Variants in TBCK observed in about 807,000 individuals in gnomAD.
TBCK encodes TBC1 domain containing kinase, also known as TBC domain-containing protein kinase-like protein.
Under a neutral mutation model 113.4 loss-of-function variants are expected in TBCK, and 99 were observed. The observed-to-expected ratio is 0.87, with a 90% confidence interval of 0.74 to 1.03. The LOEUF is 1.03. Among genes scored for constraint, TBCK ranks in the 50% least tolerant of loss-of-function variants. TBCK has a pLI of 0.00. For missense variants in TBCK, 1,045 were observed against 1,061.3 expected (o/e 0.98, Z 0.21); for synonymous variants, 369 against 370.8 (o/e 1.00, Z 0.05).
chr4:106,276,499 C>T (rs78857934), intron 3 of TBCK, among the ~76,000 whole-genome samples: 2,560 of 152,218 alleles, frequency 0.017, 32 homozygotes, highest in Middle Eastern at 0.088. Context: ...ACTGCCTGAA[C>T]CCAGAAGTTC....
chr4:106,114,694 A>G lies in TBCK; in HGVS notation c.2411+1509T>C, dbSNP rs986097742. ...ACAGACAACCTACAGAATGGAAGAAATATCTTTAAGATTAAAATAGGGTGT... is the reference window on the plus strand; with the variant it reads ...ACAGACAACCTACAGAATGGAAGAAGTATCTTTAAGATTAAAATAGGGTGT... On this transcript the variant is annotated intron_variant, in intron 24 of 25. Transcript: ENST00000394708. Among the ~76,000 whole-genome samples the G allele has an allele frequency of 7.9e-5, 12 of 152,318 alleles. No homozygotes were observed. The East Asian group carries it at 2.3e-3, about 29-fold the overall frequency.
chr4:106,316,647 A>G, upstream of TBCK: 1 of 1,531,560 alleles, frequency 6.5e-7, no homozygotes, highest in Non-Finnish European at 8.8e-7. Context: ...TTGCGATCGT[A>G]GGGGTCTTCC....
At chr4:106,306,236 A>ATTTTTTTT (rs60417567) in intron 2 of TBCK, among the ~76,000 whole-genome samples, 1 of 97,326 alleles carries the variant, frequency 1.0e-5, no homozygotes, top group Non-Finnish European at 2.0e-5. Flanking sequence ...TGCCTGGCTA[A>ATTTTTTTT]TTTTTTTTTT....
At chr4:106,161,262 C>T (rs1749758894) in intron 23 of TBCK, among the ~76,000 whole-genome samples, 2 of 152,050 alleles carry the variant, frequency 1.3e-5, no homozygotes, top group Admixed American at 6.6e-5. Flanking sequence ...CAAATAAATG[C>T]ATATATATTT....
chr4:106,244,944 T>G (rs1760603616), intron 10 of TBCK, among the ~76,000 whole-genome samples, 180 bp from the exon 11 acceptor site: 1 of 152,074 alleles, frequency 6.6e-6, no homozygotes, highest in African/African-American at 2.4e-5. Flanking sequence ...AATAAAAAGT[T>G]GAACAGACTG....
chr4:106,076,251 C>T (rs1738177922), intron 25 of TBCK, among the ~76,000 whole-genome samples: 1 of 152,102 alleles, frequency 6.6e-6, no homozygotes, highest in East Asian at 1.9e-4. Context: ...GCATCCATGA[C>T]TGGGATTATT....
chr4:106,050,216 C>T (rs947299919), intron 25 of TBCK, among the ~76,000 whole-genome samples: 5 of 151,864 alleles, frequency 3.3e-5, no homozygotes, highest in African/African-American at 1.2e-4. Flanking sequence ...ATAACTAAGA[C>T]TCAGAATATA....
chr4:106,220,311 T>C (rs568676187), intron 19 of TBCK, among the ~76,000 whole-genome samples: 6 of 152,316 alleles, frequency 3.9e-5, no homozygotes, highest in African/African-American at 1.4e-4. Context: ...CTTCCTCATC[T>C]TCTCCTGCCG....
At chr4:106,243,738 G>A (rs1333854596) in intron 11 of TBCK, among the ~76,000 whole-genome samples, 1 of 152,066 alleles carries the variant, frequency 6.6e-6, no homozygotes, top group African/African-American at 2.4e-5. Flanking sequence ...TCAGGCTGAA[G>A]TGCAGTAGCA....
chr4:106,188,948 A>G (rs1025851631), intron 22 of TBCK, among the ~76,000 whole-genome samples: 1 of 152,090 alleles, frequency 6.6e-6, no homozygotes, highest in Non-Finnish European at 1.5e-5. Context: ...ATGTATTGTA[A>G]TATCTGTTTT....
intron 23 of TBCK, among the ~76,000 whole-genome samples, chr4:106,134,035 A>G (rs1016853703): frequency 6.6e-6 from 1 of 152,076 alleles, no homozygotes; most frequent in Non-Finnish European, 1.5e-5. Flanking sequence ...ACAAAAAAAA[A>G]AACAAAACAA....
intron 20 of TBCK, among the ~76,000 whole-genome samples, chr4:106,200,962 AAAATCCTTC>A (rs1754815714): frequency 6.6e-6 from 1 of 152,074 alleles, no homozygotes; most frequent in Non-Finnish European, 1.5e-5. Context: ...ATATTGGGGA[AAAATCCTTC>A]ATATTAAATA....
chr4:106,057,011 T>C (rs2149453909), intron 25 of TBCK, among the ~76,000 whole-genome samples: 1 of 151,930 alleles, frequency 6.6e-6, no homozygotes, highest in African/African-American at 2.4e-5. Flanking sequence ...GACTGTCCTT[T>C]AGTGTTACAA....
chr4:106,162,356 C>G (rs911376456), intron 23 of TBCK, among the ~76,000 whole-genome samples: 1 of 152,158 alleles, frequency 6.6e-6, no homozygotes, highest in African/African-American at 2.4e-5. Context: ...TGTTGACTGT[C>G]TGCAGCTTTT....
chr4:106,248,952 G>A lies in TBCK; in HGVS notation c.689C>T (p.Ala230Val), dbSNP rs1451273161. 2.0e-5 allele frequency: 32 copies of A among 1,606,944 alleles called. No homozygotes were observed. The highest frequency in any genetic ancestry group is 2.7e-5 in the Non-Finnish European group (32 of 1,177,750). ...DCVDDTLIVLAEEHGCLDIIK... is the reference protein window; with the variant it reads ...DCVDDTLIVLVEEHGCLDIIK... ...AATGTCCAAACAACCATGCTCTTCA[G>A]CCAGAACTATTAAAGTGTCATCTAC... The change falls in exon 8 of 26, where the codon GCT (alanine) becomes GTT (valine). Residue 230 changes from alanine (A) to valine (V), a missense_variant. Physicochemically the swap from Ala to Val is moderately conservative, Grantham distance 64. Coordinates refer to ENST00000394708, the MANE Select transcript of TBCK (RefSeq NM_001163435.3).
intron 2 of TBCK, among the ~76,000 whole-genome samples, chr4:106,300,487 C>T (rs1766825241): frequency 1.3e-5 from 2 of 152,162 alleles, no homozygotes; most frequent in African/African-American, 4.8e-5. Flanking sequence ...TACTGCATCA[C>T]TTTTGTTATT....
chr4:106,283,292 G>A (rs745912751), intron 3 of TBCK, among the ~76,000 whole-genome samples: 4 of 151,996 alleles, frequency 2.6e-5, no homozygotes, highest in Non-Finnish European at 4.4e-5. Context: ...TGTCAAAAAC[G>A]TTAACTAGAG....
chr4:106,072,790 C>T (rs1027880530), intron 25 of TBCK, among the ~76,000 whole-genome samples: 10 of 152,232 alleles, frequency 6.6e-5, no homozygotes, highest in East Asian at 1.9e-4. Flanking sequence ...AGGCTTTGTT[C>T]GTTTCTTTTT....
At chr4:106,270,554 C>G (rs1763385197) in intron 3 of TBCK, among the ~76,000 whole-genome samples, 1 of 152,002 alleles carries the variant, frequency 6.6e-6, no homozygotes, top group African/African-American at 2.4e-5. Context: ...TGCATCATTC[C>G]AAAGTTGTTT....
Sources: allele counts gnomAD v4.1 joint callset (sites outside exome capture counted in the v4.1 genomes callset), GRCh38; gene constraint gnomAD v4.1.1; transcripts MANE v1.5; gene names NCBI Gene and HGNC (gene_info 2026-07-23, HGNC 2026-07-21).